PCDHGA6: variants seen among roughly 807,000 people sequenced by gnomAD.
PCDHGA6 encodes the protein protocadherin gamma-A6.
In PCDHGA6, 41 loss-of-function variants were observed where a neutral mutation model predicts 60.6. The observed-to-expected ratio is 0.68, with a 90% CI of 0.53 to 0.88. The LOEUF (loss-of-function observed/expected upper bound fraction) is 0.88, where lower values mean the gene tolerates loss of function less well. Among genes scored for constraint, PCDHGA6 ranks in the 40% least tolerant of loss-of-function variants. The pLI is 0.00. For missense variants in PCDHGA6, 1,312 were observed against 1,203.0 expected, an observed-to-expected ratio of 1.09 and a Z score of -1.34; for synonymous variants, 594 against 524.4, an observed-to-expected ratio of 1.13 and a Z score of -1.81.
At chr5:141,449,958 A>AT (rs962794399) in intron 1 of PCDHGA6, among the ~76,000 whole-genome samples, 8 of 148,830 alleles carry the variant, frequency 5.4e-5, no homozygotes, top group African/African-American at 2.0e-4. Context: ...CCTCATAGTA[A>AT]TTTTTTTTAG....
At chr5:141,388,880 G>A (rs1426155590) in intron 1 of PCDHGA6, 1 of 1,613,982 alleles carries the variant, frequency 6.2e-7, no homozygotes, top group Non-Finnish European at 8.5e-7. Flanking sequence ...GCACAGTGGA[G>A]GTAGAAGTCA....
intron 1 of PCDHGA6, chr5:141,383,907 A>G: frequency 6.2e-7 from 1 of 1,613,958 alleles, no homozygotes; most frequent in Non-Finnish European, 8.5e-7. Flanking sequence ...TACTGATCAC[A>G]GTTTTAGATG....
intron 1 of PCDHGA6, among the ~76,000 whole-genome samples, chr5:141,488,261 G>T (rs993627373): frequency 6.6e-6 from 1 of 152,148 alleles, no homozygotes; most frequent in Non-Finnish European, 1.5e-5. Flanking sequence ...GGTTGGGGCG[G>T]GTTGGTCATC....
At position 141,490,475 on chromosome 5, in the gene PCDHGA6, T is replaced by C. The variant is rs769951029; in HGVS notation, c.2425-4332T>C. On this transcript the variant is annotated intron_variant, in intron 1 of 3. Coordinates refer to ENST00000517434, the MANE Select transcript of PCDHGA6 (RefSeq NM_018919.3). This position sits in a 1 kb window ranked among gnomAD's most constrained non-coding sequence, Gnocchi z 5.4. ...TACTCGCTGCTAACCAGCCAGCCTTTGGACCGGGAGGCCACATCCCACTAT... is the reference window on the plus strand; with the variant it reads ...TACTCGCTGCTAACCAGCCAGCCTTCGGACCGGGAGGCCACATCCCACTAT... The C allele has an allele frequency of 3.7e-6, 6 of 1,614,240 alleles. No individual in the cohort carries two copies. The highest frequency in any genetic ancestry group is 5.1e-6 in the Non-Finnish European group (6 of 1,180,038).
chr5:141,460,686 C>A (rs2098995566), intron 1 of PCDHGA6, among the ~76,000 whole-genome samples: 1 of 151,698 alleles, frequency 6.6e-6, no homozygotes, highest in Admixed American at 6.6e-5. Context: ...TCTATATATC[C>A]ACCAACAGTT....
Position 141,478,335 on chromosome 5 carries a change from C to T in PCDHGA6, c.2425-16472C>T, listed in dbSNP as rs202213361. On this transcript the variant is annotated intron_variant, in intron 1 of 3. Coordinates refer to ENST00000517434, the MANE Select transcript of PCDHGA6 (RefSeq NM_018919.3). ...AGCTCACTGTACCGAACACCAGGGC[C>T]CTCCTTGCACGCGGACGCCGTGCGG... 4.7e-5 allele frequency: 76 copies of T among 1,613,822 alleles called. No individual in the cohort carries two copies. The highest frequency in any genetic ancestry group is 6.1e-5 in the Non-Finnish European group (72 of 1,180,028).
intron 1 of PCDHGA6, chr5:141,403,303 C>A: frequency 6.2e-7 from 1 of 1,613,820 alleles, no homozygotes; most frequent in African/African-American, 1.3e-5. Context: ...TGAAACTGTA[C>A]GGAATAGAAA....
intron 1 of PCDHGA6, chr5:141,423,300 G>A (rs1293301567): frequency 2.5e-6 from 4 of 1,614,028 alleles, no homozygotes; most frequent in African/African-American, 1.3e-5. Context: ...CAGACCTCTC[G>A]CTGTACTTGG....
At chr5:141,438,589 TAC>T (rs72335471) in intron 1 of PCDHGA6, among the ~76,000 whole-genome samples, 19,881 of 66,350 alleles carry the variant, frequency 0.3, 2,903 homozygotes, top group Admixed American at 0.41. Context: ...CATACATACA[TAC>T]ATATATATAT....
intron 1 of PCDHGA6, chr5:141,400,298 A>G (rs2093998591): frequency 6.2e-7 from 1 of 1,613,974 alleles, no homozygotes; most frequent in Non-Finnish European, 8.5e-7. Context: ...AGCTGCTTCC[A>G]ACCTGGTCTC....
chr5:141,423,760 G>GT, intron 1 of PCDHGA6: 1 of 279,664 alleles, frequency 3.6e-6, no homozygotes, highest in Non-Finnish European at 5.3e-6. Flanking sequence ...TGGGGGGGGG[G>GT]TGGGGCGGCA....
chr5:141,383,020 A>T (rs1778718840), intron 1 of PCDHGA6: 1 of 1,613,730 alleles, frequency 6.2e-7, no homozygotes, highest in African/African-American at 1.3e-5. Context: ...GGAGACGGAC[A>T]AAGGGTCCTT....
intron 1 of PCDHGA6, chr5:141,384,703 G>A (rs776947081): frequency 6.2e-7 from 1 of 1,614,100 alleles, no homozygotes; most frequent in South Asian, 1.1e-5. Flanking sequence ...AGGCCAGAAC[G>A]CCTGGCTGTC....
chr5:141,418,579 A>C, intron 1 of PCDHGA6: 1 of 1,614,000 alleles, frequency 6.2e-7, no homozygotes. Context: ...ACAACCCCCC[A>C]GTGTTCAGCC....
Position 141,511,126 on chromosome 5 carries a change from G to A in PCDHGA6, c.2752G>A (p.Gly918Ser). The A allele has an allele frequency of 1.9e-6, 3 of 1,614,212 alleles. No individual in the cohort carries two copies. The highest frequency in any genetic ancestry group is 2.2e-5 in the South Asian group (2 of 91,086). The change falls in exon 4 of 4, where the codon GGT becomes AGT. Residue 918 changes from glycine to serine, a missense_variant. Coordinates refer to ENST00000517434, the MANE Select transcript of PCDHGA6 (RefSeq NM_018919.3). ...AGKRDGKAPA[G>S]GNGNKKKSGK... ...CAAGCGGGATGGCAAGGCCCCAGCA[G>A]GTGGCAATGGCAACAAGAAGAAGTC...
intron 2 of PCDHGA6, among the ~76,000 whole-genome samples, chr5:141,503,081 C>G (rs1354848667): frequency 6.6e-6 from 1 of 151,960 alleles, no homozygotes; most frequent in Non-Finnish European, 1.5e-5. Flanking sequence ...TCTCGATCTC[C>G]TGACCTCGTG....
Position 141,438,625 on chromosome 5 carries a change from TATATATATATACAC to T in PCDHGA6, c.2425-56180_2425-56167del, listed in dbSNP as rs1291649000. Among the ~76,000 whole-genome samples, 88 of 46,398 alleles carry T rather than the reference TATATATATATACAC, an allele frequency of 1.9e-3. 1 individual carries two copies. The highest frequency in any genetic ancestry group is 8.6e-3 in the African/African-American group (72 of 8,380). 30.4% of individuals were successfully genotyped at this position (46,398 alleles called of 152,430 possible). A position where few individuals can be genotyped will look rare whatever the true frequency, so the allele number is the denominator to read the frequency against. ...ATATATATATATATATATATATATATATATATATATACACACACACACACACATATATGTATATA... is the reference window on the plus strand; with the variant it reads ...ATATATATATATATATATATATATATACACACACACACATATATGTATATA... On this transcript the variant is annotated intron_variant, in intron 1 of 3. Transcript: ENST00000517434.
intron 1 of PCDHGA6, among the ~76,000 whole-genome samples, chr5:141,472,039 A>T (rs913132856): frequency 1.3e-5 from 2 of 152,200 alleles, no homozygotes; most frequent in Non-Finnish European, 2.9e-5. Context: ...AGCTGTGAAA[A>T]GATTTTAAAA....
At chr5:141,428,105 G>T in intron 1 of PCDHGA6, 4 of 1,608,184 alleles carry the variant, frequency 2.5e-6, no homozygotes, top group Non-Finnish European at 2.5e-6. Context: ...ACCACGTGCT[G>T]CAGGCCATCG....
Sources: allele counts gnomAD v4.1 joint callset (sites outside exome capture counted in the v4.1 genomes callset), GRCh38; gene constraint gnomAD v4.1.1; non-coding constraint Gnocchi (gnomAD v3.1); transcripts MANE v1.5; gene names NCBI Gene and HGNC (gene_info 2026-07-23, HGNC 2026-07-21).